Variants in MYO3B observed in about 807,000 individuals in gnomAD.
The protein encoded by MYO3B is myosin-IIIb.
In MYO3B, 156 loss-of-function variants were observed where a neutral mutation model predicts 174.6. The ratio of observed to expected loss-of-function variants is 0.89; its 90% CI spans 0.78 to 1.02. MYO3B has a LOEUF of 1.02. MYO3B is among the 50% of genes least tolerant of loss of function. The pLI, the probability that MYO3B is intolerant of heterozygous loss-of-function variation, is 0.00. For synonymous variants in MYO3B, 563 were observed against 569.1 expected (o/e 0.99, Z 0.15); for missense variants, 1,632 against 1,639.4 (o/e 1.00, Z 0.08).
intron 32 of MYO3B, among the ~76,000 whole-genome samples, chr2:170,622,961 C>A (rs1259278560): frequency 6.6e-6 from 1 of 152,156 alleles, no homozygotes; most frequent in Non-Finnish European, 1.5e-5. Flanking sequence ...TTTTCTTAAT[C>A]CAGTCTATCA....
chr2:170,229,826 C>G (rs915692007), intron 6 of MYO3B, among the ~76,000 whole-genome samples: 4 of 152,118 alleles, frequency 2.6e-5, no homozygotes, highest in Non-Finnish European at 5.9e-5. Context: ...AGCTCAGGTT[C>G]TTATACACCA....
intron 1 of MYO3B, among the ~76,000 whole-genome samples, chr2:170,185,308 G>A (rs1367327197): frequency 6.6e-6 from 1 of 152,092 alleles, no homozygotes; most frequent in African/African-American, 2.4e-5. Flanking sequence ...ATAGTTTGAG[G>A]TCTTAGACTT....
At chr2:170,439,788 C>T (rs2094785488) in intron 22 of MYO3B, among the ~76,000 whole-genome samples, 1 of 152,196 alleles carries the variant, frequency 6.6e-6, no homozygotes, top group African/African-American at 2.4e-5. Flanking sequence ...TCACACCATT[C>T]TCCTGCCTCA....
intron 1 of MYO3B, among the ~76,000 whole-genome samples, chr2:170,182,614 C>CTT (rs3066879): frequency 0.3 from 40,476 of 135,386 alleles, 6,939 homozygotes; most frequent in East Asian, 0.56. Context: ...TTTTCTGTTT[C>CTT]TTTTTTTTTT....
chr2:170,519,863 C>A, intron 30 of MYO3B: 1 of 224,002 alleles, frequency 4.5e-6, no homozygotes, highest in Non-Finnish European at 8.8e-6. Flanking sequence ...ATCCCAGCTA[C>A]TCAGGAGGCT....
In MYO3B at chr2:170,261,385, A is replaced by C. The variant is rs180950594; in HGVS notation, c.749+25249A>C. On this transcript the variant is annotated intron_variant, in intron 7 of 34. Coordinates refer to ENST00000408978, the MANE Select transcript of MYO3B (RefSeq NM_138995.5). ...TAGCTAGACCCTGTCTCTACCAAAAAACAAAACAAAACAAAACAAAACCTG... is the reference window on the plus strand; with the variant it reads ...TAGCTAGACCCTGTCTCTACCAAAACACAAAACAAAACAAAACAAAACCTG... Among the ~76,000 whole-genome samples the C allele has an allele frequency of 3.3e-4, 51 of 152,250 alleles. No individual in the cohort carries two copies. The East Asian group carries it at 7.3e-3, about 22-fold the overall frequency.
intron 33 of MYO3B, 23 bp downstream of exon 33, chr2:170,651,757 G>C: frequency 6.3e-7 from 1 of 1,586,938 alleles, no homozygotes; most frequent in African/African-American, 1.3e-5. Flanking sequence ...TGGCCGTAAA[G>C]CTGTTTCACT....
chr2:170,423,643 C>T (rs948076008), intron 22 of MYO3B, among the ~76,000 whole-genome samples: 1 of 134,458 alleles, frequency 7.4e-6, no homozygotes, highest in Non-Finnish European at 1.5e-5. Context: ...TGCAGTGGTG[C>T]GATCTCAGCT....
At chr2:170,243,292 A>C (rs548112696) in intron 7 of MYO3B, among the ~76,000 whole-genome samples, 1 of 152,352 alleles carries the variant, frequency 6.6e-6, no homozygotes, top group South Asian at 2.1e-4. Context: ...TGGTTGGTCT[A>C]GGATAGCCTT....
chr2:170,584,381 A>C (rs1422938027), intron 32 of MYO3B, among the ~76,000 whole-genome samples: 1 of 152,186 alleles, frequency 6.6e-6, no homozygotes, highest in Non-Finnish European at 1.5e-5. Context: ...TTATTTACCA[A>C]TTAGTCCACA....
At chr2:170,521,071 G>C (rs1688643278) in intron 30 of MYO3B, among the ~76,000 whole-genome samples, 1 of 152,176 alleles carries the variant, frequency 6.6e-6, no homozygotes. Context: ...ACCTGGAAAA[G>C]AGAAAGTCTT....
chr2:170,335,348 C>T (rs767837988), intron 7 of MYO3B, 37 bp from the exon 8 acceptor site: 74 of 1,507,446 alleles, frequency 4.9e-5, no homozygotes, highest in Middle Eastern at 1.7e-4. Flanking sequence ...TAATGAAATT[C>T]TTCTTTCTTA....
rs765242069 is a variant in MYO3B, at chr2:170,583,552, G to T, written c.3733+39564G>T. Among the ~76,000 whole-genome samples, 10 of 152,150 alleles carry T rather than the reference G, an allele frequency of 6.6e-5. No homozygotes were observed. In the South Asian group the frequency reaches 8.3e-4, roughly 13 times the overall value. Reference sequence around the variant, plus strand: ...TTAGGGCTCCACTTCTATAATAATTGCATTTCTCTGTGGAAAAATTAAGAT... The same window carrying T: ...TTAGGGCTCCACTTCTATAATAATTTCATTTCTCTGTGGAAAAATTAAGAT... On this transcript the variant is annotated intron_variant, in intron 32 of 34. Transcript: ENST00000408978.
Position 170,532,659 on chromosome 2 carries a change from A to C in MYO3B, c.3576-10247A>C, listed in dbSNP as rs891598936. Reference sequence around the variant, plus strand: ...GAAACCCCATCTCTACTAAAACTACAAAAAAAATTAGTCAGGCATGGTGGC... The same window carrying C: ...GAAACCCCATCTCTACTAAAACTACCAAAAAAATTAGTCAGGCATGGTGGC... On this transcript the variant is annotated intron_variant, in intron 30 of 34. Transcript: ENST00000408978. Among the ~76,000 whole-genome samples the C allele has an allele frequency of 2.6e-5, 4 of 151,774 alleles. No individual in the cohort carries two copies. In the Middle Eastern group the frequency reaches 0.014, roughly 516 times the overall value.
At chr2:170,284,473 C>G (rs2093539272) in intron 7 of MYO3B, among the ~76,000 whole-genome samples, 1 of 151,976 alleles carries the variant, frequency 6.6e-6, no homozygotes, top group Non-Finnish European at 1.5e-5. Context: ...AGGGGAGAGG[C>G]AGGCAGAGTG....
intron 7 of MYO3B, among the ~76,000 whole-genome samples, chr2:170,268,675 C>CATAAAACTG: frequency 6.6e-6 from 1 of 151,852 alleles, no homozygotes; most frequent in Admixed American, 6.6e-5. Flanking sequence ...TGGAAAAACA[C>CATAAAACTG]ATAAAACTGA....
At chr2:170,605,302 G>A (rs181577502) in intron 32 of MYO3B, among the ~76,000 whole-genome samples, 1 of 152,124 alleles carries the variant, frequency 6.6e-6, no homozygotes, top group Non-Finnish European at 1.5e-5. Context: ...GGGTTCCTCA[G>A]GCATCAGAGA....
chr2:170,394,760 G>A (rs570560914), intron 16 of MYO3B, among the ~76,000 whole-genome samples: 75 of 152,304 alleles, frequency 4.9e-4, no homozygotes, highest in Middle Eastern at 6.8e-3. Flanking sequence ...GAATTCTGTG[G>A]TTCTATCTCT....
At chr2:170,314,801 T>A (rs1369676523) in intron 7 of MYO3B, among the ~76,000 whole-genome samples, 1 of 152,232 alleles carries the variant, frequency 6.6e-6, no homozygotes, top group East Asian at 1.9e-4. Context: ...AAAAGCATCT[T>A]GTGCTGGTGC....
Sources: gnomAD v4.1 joint callset for allele counts (sites outside exome capture counted in the v4.1 genomes callset) on GRCh38, gnomAD v4.1.1 for gene constraint, MANE v1.5 for transcripts, NCBI Gene and HGNC (gene_info 2026-07-23, HGNC 2026-07-21) for gene names.